Variants in NPAS3 observed in about 807,000 individuals in gnomAD.
NPAS3 encodes the protein neuronal PAS domain-containing protein 3.
Under a neutral mutation model 73.1 loss-of-function variants are expected in NPAS3, and 14 were observed. The observed-to-expected ratio is 0.19, with a 90% confidence interval of 0.13 to 0.30. The LOEUF is 0.30. Among genes scored for constraint, NPAS3 ranks in the 10% least tolerant of loss-of-function variants. The pLI is 1.00. For synonymous variants in NPAS3, 620 were observed against 541.5 expected, an observed-to-expected ratio of 1.14 and a Z score of -2.01; for missense variants, 1,096 against 1,250.0, an observed-to-expected ratio of 0.88 and a Z score of 1.86.
chr14:33,750,251 G>A (rs2061924992), intron 7 of NPAS3, among the ~76,000 whole-genome samples: 1 of 148,776 alleles, frequency 6.7e-6, no homozygotes, highest in Non-Finnish European at 1.5e-5. Context: ...TTAGTACTCT[G>A]TCATTCTAAT....
At chr14:33,728,213 A>C (rs2061320181) in intron 6 of NPAS3, among the ~76,000 whole-genome samples, 1 of 152,204 alleles carries the variant, frequency 6.6e-6, no homozygotes, top group African/African-American at 2.4e-5. Flanking sequence ...AACCTCATGC[A>C]TTACAATTCT....
At chr14:32,973,136 TA>T (rs1378782546) in intron 1 of NPAS3, among the ~76,000 whole-genome samples, 2 of 152,176 alleles carry the variant, frequency 1.3e-5, no homozygotes, top group Admixed American at 1.3e-4. Flanking sequence ...AAGATTTGAA[TA>T]AAGGCACTTT....
chr14:33,513,543 A>G (rs187975029), intron 4 of NPAS3, among the ~76,000 whole-genome samples: 26 of 152,144 alleles, frequency 1.7e-4, no homozygotes, highest in African/African-American at 5.8e-4. Flanking sequence ...CCATCCTGTA[A>G]AAATAGAGCT....
intron 4 of NPAS3, among the ~76,000 whole-genome samples, chr14:33,497,377 GC>G (rs1284042564): frequency 3.3e-5 from 5 of 151,980 alleles, no homozygotes; most frequent in Non-Finnish European, 7.4e-5. Flanking sequence ...CCAAAAAAGG[GC>G]CCATATAGCT....
At chr14:32,951,799 A>G (rs1288985078) in intron 1 of NPAS3, among the ~76,000 whole-genome samples, 1 of 152,132 alleles carries the variant, frequency 6.6e-6, no homozygotes, top group Non-Finnish European at 1.5e-5. Flanking sequence ...ATAGTTACCC[A>G]AACTACAACA....
intron 6 of NPAS3, among the ~76,000 whole-genome samples, chr14:33,712,347 G>A (rs1028021713): frequency 2.0e-5 from 3 of 152,086 alleles, no homozygotes; most frequent in South Asian, 2.1e-4. Flanking sequence ...TAACACACAC[G>A]CATTCAAGTG....
chr14:33,234,801 C>T (rs538353125), intron 3 of NPAS3, among the ~76,000 whole-genome samples: 2 of 152,168 alleles, frequency 1.3e-5, no homozygotes, highest in East Asian at 3.9e-4. Flanking sequence ...AGACTTCAAG[C>T]TTGTATCACT....
intron 5 of NPAS3, among the ~76,000 whole-genome samples, chr14:33,637,523 G>A (rs7148272): frequency 0.18 from 27,890 of 152,010 alleles, 3,760 homozygotes; most frequent in African/African-American, 0.38. Flanking sequence ...ATTATACATC[G>A]TTCAGGAAGG....
intron 2 of NPAS3, among the ~76,000 whole-genome samples, chr14:33,128,868 C>T (rs533436193): frequency 3.3e-5 from 5 of 152,212 alleles, no homozygotes; most frequent in East Asian, 3.9e-4. Context: ...GACAAAGTAT[C>T]GTATCAGAAA....
chr14:33,768,189 C>T (rs756523532), intron 7 of NPAS3, among the ~76,000 whole-genome samples: 3 of 152,140 alleles, frequency 2.0e-5, no homozygotes, highest in Non-Finnish European at 4.4e-5. Context: ...TGCTGGCATC[C>T]GGGCAGTGCT....
intron 5 of NPAS3, among the ~76,000 whole-genome samples, chr14:33,632,226 A>G (rs79953500): frequency 0.014 from 2,173 of 152,260 alleles, 53 homozygotes; most frequent in African/African-American, 0.049. Context: ...AACTTTAGCC[A>G]TACCTGAGTG....
intron 4 of NPAS3, among the ~76,000 whole-genome samples, chr14:33,369,030 G>A (rs2045963068): frequency 6.6e-6 from 1 of 152,118 alleles, no homozygotes; most frequent in East Asian, 1.9e-4. Context: ...CTCAGTAATT[G>A]CAGTAATTTA....
intron 1 of NPAS3, among the ~76,000 whole-genome samples, chr14:32,996,369 C>G (rs1431838659): frequency 1.3e-5 from 2 of 152,174 alleles, no homozygotes; most frequent in African/African-American, 4.8e-5. Context: ...TTCAAGCTGG[C>G]TGCAGAAATT....
At chr14:33,123,317 CATT>C (rs2043301391) in intron 2 of NPAS3, among the ~76,000 whole-genome samples, 1 of 152,022 alleles carries the variant, frequency 6.6e-6, no homozygotes, top group Admixed American at 6.6e-5. Flanking sequence ...ACTTACCTGC[CATT>C]AATAGGGACC....
At chr14:33,721,782 TGA>T (rs2061119822) in intron 6 of NPAS3, among the ~76,000 whole-genome samples, 1 of 152,200 alleles carries the variant, frequency 6.6e-6, no homozygotes, top group African/African-American at 2.4e-5. Context: ...ACTACGTATA[TGA>T]TCTGAACCTT....
chr14:33,596,023 G>A (rs769822446), intron 5 of NPAS3, among the ~76,000 whole-genome samples: 14 of 152,162 alleles, frequency 9.2e-5, no homozygotes, highest in Non-Finnish European at 1.0e-4. Context: ...AACACTTTAC[G>A]TCGGTACCAA....
rs897547967 is a variant in NPAS3, at chr14:32,979,655, C to T, written c.50+40289C>T. Among the ~76,000 whole-genome samples, 11 of 152,190 alleles carry T rather than the reference C, an allele frequency of 7.2e-5. No homozygotes were observed. In the East Asian group the frequency reaches 1.9e-3, roughly 27 times the overall value. ...CTGAGGGCTGCAATATAGTAGAGTC[C>T]TTATTTGCCCTGTTGAGGGATTTAA... On this transcript the variant is annotated intron_variant, in intron 1 of 11. Coordinates refer to ENST00000356141, the Ensembl canonical transcript of NPAS3.
rs180966305 is a variant in NPAS3, at chr14:33,603,850, G to T, written c.558+43640G>T. ...TTAATGGGAACACAGTGTGGGATTT[G>T]CAGCTTATATAAAAGTAAAATGCAT... On this transcript the variant is annotated intron_variant, in intron 5 of 11. Coordinates refer to ENST00000356141, the Ensembl canonical transcript of NPAS3. 3.9e-3 allele frequency among the ~76,000 whole-genome samples: 595 copies of T among 152,164 alleles called. 1 individual carries two copies. The highest frequency in any genetic ancestry group is 7.0e-3 in the Non-Finnish European group (476 of 67,972).
chr14:33,126,593 T>C (rs528373762), intron 2 of NPAS3, among the ~76,000 whole-genome samples: 12 of 151,998 alleles, frequency 7.9e-5, no homozygotes, highest in Admixed American at 7.9e-4. Context: ...GGAGAAGTGA[T>C]GGATGGGAAG....
Sources: allele counts gnomAD v4.1 joint callset (sites outside exome capture counted in the v4.1 genomes callset), GRCh38; gene constraint gnomAD v4.1.1; transcripts MANE v1.5; gene names NCBI Gene and HGNC (gene_info 2026-07-23, HGNC 2026-07-21).